NDUFS4: variants seen among roughly 807,000 people sequenced by gnomAD.
The protein encoded by NDUFS4 is NADH:ubiquinone oxidoreductase subunit S4.
In NDUFS4, 28 loss-of-function variants were observed where a neutral mutation model predicts 24.3. The ratio of observed to expected loss-of-function variants is 1.15; its 90% CI spans 0.85 to 1.58. The LOEUF is 1.58. Ranked by LOEUF, NDUFS4 falls within the 40% of genes most tolerant of loss-of-function variation. The pLI is 0.00. For missense variants in NDUFS4, 223 were observed against 207.9 expected (o/e 1.07, Z -0.45); for synonymous variants, 93 against 69.7 (o/e 1.34, Z -1.67).
chr5:53,645,895 A>G (rs969374730), intron 2 of NDUFS4, among the ~76,000 whole-genome samples: 2 of 152,152 alleles, frequency 1.3e-5, no homozygotes, highest in Non-Finnish European at 2.9e-5. Flanking sequence ...ACTAGTTCGC[A>G]CTTGCTCACA....
chr5:53,560,686 G>A lies in NDUFS4; in HGVS notation c.24G>A (p.Val8=). The change falls in exon 1 of 5, where the codon GTG becomes GTA. Residue 8 remains valine (V), a synonymous_variant. Transcript: ENST00000296684. Reference sequence around the variant, plus strand: ...AGATGGCGGCGGTGTCAATGTCAGTGGTACTGAGGCAGACGTTGTGGCGGA... The same window carrying A: ...AGATGGCGGCGGTGTCAATGTCAGTAGTACTGAGGCAGACGTTGTGGCGGA... The part of the protein sequence containing the change: MAAVSMS[V]VLRQTLWRRR... 2 of 1,614,244 alleles carry A rather than the reference G, an allele frequency of 1.2e-6. No homozygotes were observed. The highest frequency in any genetic ancestry group is 1.7e-6 in the Non-Finnish European group (2 of 1,180,052).
rs150678177 is a variant in NDUFS4, at chr5:53,680,045, C to T, written c.425-3073C>T. On this transcript the variant is annotated intron_variant, in intron 4 of 4. Transcript: ENST00000296684. ...ATGAAATAGATAAAACTTGCAATTG[C>T]GGGATATTTTTAAAGAAATGCAGTT... Among the ~76,000 whole-genome samples the T allele has an allele frequency of 7.0e-4, 106 of 152,076 alleles. No homozygotes were observed. The East Asian group carries it at 0.015, about 21-fold the overall frequency.
At chr5:53,565,565 G>C (rs1158969717) in intron 1 of NDUFS4, among the ~76,000 whole-genome samples, 1 of 152,196 alleles carries the variant, frequency 6.6e-6, no homozygotes, top group African/African-American at 2.4e-5. Flanking sequence ...GCATTACGCA[G>C]TGTTTCTTTT....
chr5:53,672,357 A>AAAG (rs747788046), intron 4 of NDUFS4, among the ~76,000 whole-genome samples: 1 of 152,190 alleles, frequency 6.6e-6, no homozygotes, highest in Non-Finnish European at 1.5e-5. Context: ...GTTCAGAGTA[A>AAAG]AAGTCAAAAC....
intron 3 of NDUFS4, among the ~76,000 whole-genome samples, chr5:53,655,215 G>A (rs1006940894): frequency 1.4e-4 from 21 of 151,970 alleles, no homozygotes; most frequent in African/African-American, 4.1e-4. Flanking sequence ...TTTTACAACC[G>A]GAACACACAT....
chr5:53,603,879 A>G (rs1482468536), intron 2 of NDUFS4, among the ~76,000 whole-genome samples: 1 of 152,158 alleles, frequency 6.6e-6, no homozygotes, highest in Non-Finnish European at 1.5e-5. Flanking sequence ...TGCTAGTACT[A>G]TCTAAAACTA....
At chr5:53,633,765 A>G (rs1751474549) in intron 2 of NDUFS4, among the ~76,000 whole-genome samples, 1 of 152,240 alleles carries the variant, frequency 6.6e-6, no homozygotes, top group Non-Finnish European at 1.5e-5. Flanking sequence ...CTGTCAAAGT[A>G]TGTTGAGTAA....
chr5:53,661,400 G>C (rs1200210786), intron 4 of NDUFS4, among the ~76,000 whole-genome samples: 2 of 152,154 alleles, frequency 1.3e-5, no homozygotes, highest in African/African-American at 2.4e-5. Context: ...TTTGGTTACT[G>C]TAGCCTTGTA....
chr5:53,588,214 T>A (rs1749830992), intron 1 of NDUFS4, among the ~76,000 whole-genome samples: 1 of 152,220 alleles, frequency 6.6e-6, no homozygotes, highest in South Asian at 2.1e-4. Context: ...ACAGTGTACG[T>A]ACCCTAATTT....
At chr5:53,562,271 A>G (rs1024777396) in intron 1 of NDUFS4, among the ~76,000 whole-genome samples, 2 of 152,208 alleles carry the variant, frequency 1.3e-5, no homozygotes, top group Non-Finnish European at 2.9e-5. Context: ...TAGAGTTAAT[A>G]TAGCGGTGAC....
chr5:53,634,516 G>T (rs577308309), intron 2 of NDUFS4, among the ~76,000 whole-genome samples: 1 of 152,284 alleles, frequency 6.6e-6, no homozygotes, highest in African/African-American at 2.4e-5. Flanking sequence ...ATTACCAGGA[G>T]ATGAAGAGTA....
intron 2 of NDUFS4, among the ~76,000 whole-genome samples, chr5:53,619,437 A>G (rs1280947396): frequency 6.9e-6 from 1 of 144,850 alleles, no homozygotes; most frequent in Non-Finnish European, 1.5e-5. Context: ...CAGTGAGCCA[A>G]GATGGCGCCA....
intron 2 of NDUFS4, among the ~76,000 whole-genome samples, chr5:53,603,942 A>G (rs1750415330): frequency 6.6e-6 from 1 of 152,176 alleles, no homozygotes; most frequent in African/African-American, 2.4e-5. Context: ...CTATATGTAT[A>G]TATGTATATG....
chr5:53,562,953 G>T (rs1358946767), intron 1 of NDUFS4, among the ~76,000 whole-genome samples: 1 of 152,136 alleles, frequency 6.6e-6, no homozygotes, highest in Admixed American at 6.6e-5. Flanking sequence ...GGAAGGGCCG[G>T]GCGCGGTGGC....
intron 1 of NDUFS4, among the ~76,000 whole-genome samples, chr5:53,566,469 A>G (rs1487809663): frequency 2.0e-5 from 3 of 152,180 alleles, no homozygotes; most frequent in South Asian, 2.1e-4. Flanking sequence ...TGTGTTTCCC[A>G]CAGTAATCCT....
intron 2 of NDUFS4, among the ~76,000 whole-genome samples, chr5:53,628,563 T>C (rs577551669): frequency 4.6e-5 from 7 of 152,320 alleles, no homozygotes; most frequent in South Asian, 2.1e-4. Context: ...GAATCCGTTA[T>C]TGGTCTATTC....
At chr5:53,581,763 C>T (rs1749573917) in intron 1 of NDUFS4, among the ~76,000 whole-genome samples, 1 of 152,128 alleles carries the variant, frequency 6.6e-6, no homozygotes. Flanking sequence ...CCCTCTCTTA[C>T]CTCATCATGT....
intron 2 of NDUFS4, chr5:53,605,010 A>C: frequency 2.6e-6 from 1 of 387,786 alleles, no homozygotes; most frequent in Non-Finnish European, 5.1e-6. Flanking sequence ...TCACGAGGTC[A>C]GGAGTTCGTG....
intron 2 of NDUFS4, among the ~76,000 whole-genome samples, chr5:53,643,435 G>T (rs991045193): frequency 6.6e-6 from 1 of 152,064 alleles, no homozygotes; most frequent in African/African-American, 2.4e-5. Context: ...GTGAAAGTTA[G>T]ATCTCAGGTA....
Sources: allele counts gnomAD v4.1 joint callset (sites outside exome capture counted in the v4.1 genomes callset), GRCh38; gene constraint gnomAD v4.1.1; transcripts MANE v1.5; gene names NCBI Gene and HGNC (gene_info 2026-07-23, HGNC 2026-07-21).